Variants in SAFB2 observed in about 807,000 individuals in gnomAD.
SAFB2 encodes the protein scaffold attachment factor B2.
SAFB2 carries 32 observed loss-of-function variants against 100.6 expected under a neutral mutation model. The ratio of observed to expected loss-of-function variants is 0.32; its 90% CI spans 0.24 to 0.43. The LOEUF (loss-of-function observed/expected upper bound fraction) is 0.43. Ranked by LOEUF, SAFB2 falls within the 20% of genes least tolerant of loss-of-function variation. The pLI, the probability that SAFB2 is intolerant of heterozygous loss-of-function variation, is 1.00. For missense variants in SAFB2, 1,185 were observed against 1,163.4 expected, an observed-to-expected ratio of 1.02 and a Z score of -0.27; for synonymous variants, 500 against 439.4, an observed-to-expected ratio of 1.14 and a Z score of -1.72.
At chr19:5,603,283 A>G (rs2052703340) in intron 11 of SAFB2, among the ~76,000 whole-genome samples, 1 of 152,174 alleles carries the variant, frequency 6.6e-6, no homozygotes, top group Non-Finnish European at 1.5e-5. Flanking sequence ...TTTAAAAATA[A>G]TAATTCCAAT....
chr19:5,590,745 G>A (rs140880069), intron 17 of SAFB2, among the ~76,000 whole-genome samples: 1,835 of 152,108 alleles, frequency 0.012, 47 homozygotes, highest in African/African-American at 0.042. Context: ...CCTCCTTTCC[G>A]ATAACAGGAG....
In SAFB2 at chr19:5,621,299, T is replaced by G. The variant is rs1222915313; in HGVS notation, c.274+10A>C. On this transcript the variant is annotated intron_variant, in intron 2 of 20. Transcript: ENST00000252542. ...GAACACTCAAGCCCCAAGCAGCATA[T>G]GTACAATACCTTTAACACATCTCTT... The G allele has an allele frequency of 8.2e-6, 13 of 1,576,668 alleles. No homozygotes were observed. Among genetic ancestry groups the G allele is most frequent in the Non-Finnish European group, 9.6e-6 (11 of 1,145,990 alleles).
At chr19:5,603,691 C>G (rs1041628365) in intron 11 of SAFB2, among the ~76,000 whole-genome samples, 10 of 151,828 alleles carry the variant, frequency 6.6e-5, no homozygotes, top group South Asian at 2.1e-4. Flanking sequence ...TCACAGGGTG[C>G]CACCGTGAGA....
At position 5,591,452 on chromosome 19, in the gene SAFB2, G is replaced by C. The variant is rs565816883; in HGVS notation, c.2394+296C>G. 3.6e-5 allele frequency: 9 copies of C among 252,598 alleles called. No individual in the cohort carries two copies. In the East Asian group the frequency reaches 7.1e-4, roughly 20 times the overall value. The allele number at this position is 252,598 out of a possible 1,614,324, so 15.6% of individuals were successfully genotyped here. On this transcript the variant is annotated intron_variant, in intron 17 of 20. Transcript: ENST00000252542. ...CGCCACCATGCCTGGCTAATTTTTT[G>C]TATTTTTAGTAGAGACAGGGTTTCA...
rs764782238 is a variant in SAFB2 at position 5,622,597 on chromosome 19, G to GCCCGCAGATCGATCA, written c.104_118dup (p.Val35_Arg39dup). The GCCCGCAGATCGATCA allele has an allele frequency of 8.1e-6, 13 of 1,613,222 alleles. No individual in the cohort carries two copies. The African/African-American group carries it at 1.3e-4, about 17-fold the overall frequency. Reference sequence around the variant, plus strand: ...GTCCAGGTTCCGCTTCTTCAGCTCCGCCCGCAGATCGATCACCCGCAGCTC... The same window carrying GCCCGCAGATCGATCA: ...GTCCAGGTTCCGCTTCTTCAGCTCCGCCCGCAGATCGATCACCCGCAGATCGATCACCCGCAGCTC... On this transcript the variant is annotated inframe_insertion, in exon 1 of 21. Coordinates refer to ENST00000252542, the MANE Select transcript of SAFB2 (RefSeq NM_014649.3).
At chr19:5,606,551 C>T (rs919360868) in intron 9 of SAFB2, among the ~76,000 whole-genome samples, 5 of 152,076 alleles carry the variant, frequency 3.3e-5, no homozygotes, top group Non-Finnish European at 7.4e-5. Context: ...CGCTTGAGCC[C>T]GGGAGCTCGA....
Position 5,604,580 on chromosome 19 carries a change from T to C in SAFB2, c.1559+3A>G, listed in dbSNP as rs373016104. The C allele has an allele frequency of 6.8e-6, 11 of 1,610,400 alleles. No individual in the cohort carries two copies. The African/African-American group carries it at 1.5e-4, about 21-fold the overall frequency. On this transcript the variant is annotated splice_donor_region_variant and intron_variant, in intron 11 of 20. Transcript: ENST00000252542. Reference sequence around the variant, plus strand: ...CAAGAGGAGGTTTGAAAATTCACTTTACTTTTCAATTTTGATCTCCACAGA... The same window carrying C: ...CAAGAGGAGGTTTGAAAATTCACTTCACTTTTCAATTTTGATCTCCACAGA...
rs1233889117 is a variant in SAFB2, at chr19:5,609,297, ATTCT to A, written c.1296+694_1296+697del. Among the ~76,000 whole-genome samples the A allele has an allele frequency of 1.0e-3, 149 of 142,162 alleles. 2 individuals carry two copies. The East Asian group carries it at 0.025, about 24-fold the overall frequency. The allele number at this position is 142,162 out of a possible 152,430, so 93.3% of individuals were successfully genotyped here. A position where few individuals can be genotyped will look rare whatever the true frequency, so the allele number is the denominator to read the frequency against. On this transcript the variant is annotated intron_variant, in intron 9 of 20. Coordinates refer to ENST00000252542, the MANE Select transcript of SAFB2 (RefSeq NM_014649.3). ...GATATGAAAGTCAATTATTCACTTC[ATTCT>A]TTTTTTTTTTTTTTTTTTTTATGAC...
chr19:5,614,929 G>A (rs1274355030), intron 4 of SAFB2, among the ~76,000 whole-genome samples: 2 of 152,214 alleles, frequency 1.3e-5, no homozygotes, highest in Non-Finnish European at 2.9e-5. Context: ...AACATTAACA[G>A]GCTAGGCGTG....
At chr19:5,607,209 C>T (rs975277283) in intron 9 of SAFB2, among the ~76,000 whole-genome samples, 10 of 151,962 alleles carry the variant, frequency 6.6e-5, no homozygotes, top group Middle Eastern at 3.2e-3. Context: ...TGCAGTGAGC[C>T]GAGATCGCGC....
intron 7 of SAFB2, 137 bp from the exon 8 acceptor site, chr19:5,610,825 C>A (rs1460795159): frequency 1.3e-6 from 1 of 757,382 alleles, no homozygotes; most frequent in Non-Finnish European, 2.1e-6. Context: ...CCTCTGCAAG[C>A]TTATATTGGA....
intron 13 of SAFB2, among the ~76,000 whole-genome samples, chr19:5,596,793 G>T (rs559669802): frequency 1.3e-5 from 2 of 152,042 alleles, no homozygotes; most frequent in Admixed American, 1.3e-4. Flanking sequence ...GAGGCCTCCT[G>T]CTGATCCACA....
Position 5,593,910 on chromosome 19 carries a change from T to C in SAFB2, c.2188A>G (p.Arg730Gly). 6.6e-7 allele frequency: 1 copy of C among 1,518,864 alleles called. No homozygotes were observed. Among genetic ancestry groups the C allele is most frequent in the Non-Finnish European group, 8.7e-7 (1 of 1,145,580 alleles). 94.1% of individuals were successfully genotyped at this position (1,518,864 alleles called of 1,614,324 possible). A position where few individuals can be genotyped will look rare whatever the true frequency, so the allele number is the denominator to read the frequency against. Reference sequence around the variant, plus strand: ...ACTCACCGGTCCAGGTCGTAGGGCCTCCGCCCGGGCCGCCGCTCCTGCTCG... The same window carrying C: ...ACTCACCGGTCCAGGTCGTAGGGCCCCCGCCCGGGCCGCCGCTCCTGCTCG... ...RYEQERRPGR[R>G]PYDLDRRDDA... The change falls in exon 15 of 21, where the codon AGG becomes GGG. Residue 730 changes from arginine to glycine, a missense_variant. Physicochemically the swap from Arg to Gly is moderately radical, Grantham distance 125. Coordinates refer to ENST00000252542, the MANE Select transcript of SAFB2 (RefSeq NM_014649.3).
chr19:5,597,390 T>C (rs2052555287), intron 13 of SAFB2, among the ~76,000 whole-genome samples: 2 of 152,054 alleles, frequency 1.3e-5, no homozygotes, highest in South Asian at 4.1e-4. Flanking sequence ...TCCCACCCTT[T>C]ATTTTTTTTA....
At position 5,587,167 on chromosome 19, in the gene SAFB2, C is replaced by A; in HGVS notation, c.*76G>T. The A allele has an allele frequency of 6.4e-7, 1 of 1,574,176 alleles. No individual in the cohort carries two copies. Among genetic ancestry groups the A allele is most frequent in the Admixed American group, 1.7e-5 (1 of 57,714 alleles). On this transcript the variant is annotated 3_prime_UTR_variant, in exon 21 of 21. Coordinates refer to ENST00000252542, the MANE Select transcript of SAFB2 (RefSeq NM_014649.3). This position sits in a 1 kb window ranked among gnomAD's most constrained non-coding sequence, Gnocchi z 4.9. The stretch of plus-strand genomic sequence containing the variant: ...GATTTACTTTGCTTTTAAAAAGATC[C>A]CCCAAGTTCGAGGGAACCCTGGCTA...
In SAFB2 at chr19:5,594,078, G is replaced by T; in HGVS notation, c.2020C>A (p.Arg674Ser). 6.3e-7 allele frequency: 1 copy of T among 1,595,694 alleles called. No homozygotes were observed. ...ATGCGCTCCCGCTCCAGCCGCTGGC[G>T]CTGGCACTCGAGCTGCAGGCGTTCC... ...QRERLQLECQ[R>S]QRLERERMER... Residue 674 changes from arginine (R) to serine (S), a missense_variant, in exon 15 of 21, where the codon CGC (arginine) becomes AGC (serine). Around this residue, in one of 3 missense-constraint regions of SAFB2, gnomAD observed 740 missense variants for 687.1 expected, o/e 1.08. Transcript: ENST00000252542.
At chr19:5,593,367 C>A (rs2052457141) in intron 15 of SAFB2, among the ~76,000 whole-genome samples, 1 of 152,214 alleles carries the variant, frequency 6.6e-6, no homozygotes, top group Non-Finnish European at 1.5e-5. Flanking sequence ...CTGATTTTTA[C>A]CAGAAAACTA....
At chr19:5,612,799 G>A (rs1269231833) in intron 5 of SAFB2, among the ~76,000 whole-genome samples, 1 of 152,114 alleles carries the variant, frequency 6.6e-6, no homozygotes, top group Non-Finnish European at 1.5e-5. Context: ...CCATTCTCCC[G>A]AGTTTGGGCC....
intron 4 of SAFB2, chr19:5,613,854 T>A: frequency 1.8e-6 from 1 of 549,912 alleles, no homozygotes; most frequent in Non-Finnish European, 2.3e-6. Context: ...AAAGCAGAAC[T>A]CAAAATGATA....
Sources: gnomAD v4.1 joint callset for allele counts (sites outside exome capture counted in the v4.1 genomes callset) on GRCh38, gnomAD v4.1.1 for gene constraint, gnomAD v4.1.1 regional missense constraint, Gnocchi (gnomAD v3.1) non-coding constraint, MANE v1.5 for transcripts, NCBI Gene and HGNC (gene_info 2026-07-23, HGNC 2026-07-21) for gene names.